The following SPTBN2 variants were observed in gnomAD, a reference collection of about 807,000 sequenced individuals.
SPTBN2 encodes spectrin beta, non-erythrocytic 2, also known as spectrin beta chain, non-erythrocytic 2.
In SPTBN2, 107 loss-of-function variants were observed where a neutral mutation model predicts 284.2. The ratio of observed to expected loss-of-function variants is 0.38; its 90% CI spans 0.32 to 0.44. SPTBN2 has a LOEUF of 0.44. SPTBN2 is among the 20% of genes least tolerant of loss of function. The pLI, the probability that SPTBN2 is intolerant of heterozygous loss-of-function variation, is 1.00. For synonymous variants in SPTBN2, 1,289 were observed against 1,354.8 expected (o/e 0.95, Z 1.07); for missense variants, 2,569 against 3,287.1 (o/e 0.78, Z 5.34).
chr11:66,689,058 C>T (rs764835775), intron 30 of SPTBN2, 38 bp downstream of exon 30: 2 of 1,578,488 alleles, frequency 1.3e-6, no homozygotes, highest in East Asian at 4.6e-5. Flanking sequence ...GGATGCCCCC[C>T]ACTCCCCACA....
At chr11:66,695,663 C>T (rs909880972) in intron 21 of SPTBN2, among the ~76,000 whole-genome samples, 1 of 152,176 alleles carries the variant, frequency 6.6e-6, no homozygotes, top group African/African-American at 2.4e-5. Flanking sequence ...CAAAAATTTA[C>T]TATCTGGTGC....
upstream of SPTBN2, among the ~76,000 whole-genome samples, chr11:66,731,188 A>AT (rs1278454256): frequency 6.6e-6 from 1 of 152,180 alleles, no homozygotes; most frequent in East Asian, 1.9e-4. Flanking sequence ...ATTTTACCGT[A>AT]TTATTTCCCA....
Position 66,696,448 on chromosome 11 carries a change from C to A in SPTBN2, c.4107G>T (p.Glu1369Asp). 6.2e-7 allele frequency: 1 copy of A among 1,612,968 alleles called. No individual in the cohort carries two copies. ...TGCGGGCCTTGGCTTGGGTGGTGGT[C>A]TCCAGCTCGTCCCAGCGCCTGTGCA... Reference protein sequence around the residue: ...RDLHRRWDELETTTQAKARSL... With the variant: ...RDLHRRWDELDTTTQAKARSL... Residue 1369 changes from glutamate to aspartate, a missense_variant, in exon 21 of 38, where the codon GAG becomes GAT. Coordinates refer to ENST00000533211, the MANE Select transcript of SPTBN2 (RefSeq NM_006946.4).
intron 1 of SPTBN2, among the ~76,000 whole-genome samples, chr11:66,736,123 T>C (rs1942850031): frequency 6.6e-6 from 1 of 152,088 alleles, no homozygotes. Flanking sequence ...CCACATCAGA[T>C]AGGGAATTCT....
chr11:66,722,120 C>A (rs1346188983), intron 1 of SPTBN2, among the ~76,000 whole-genome samples: 1 of 152,164 alleles, frequency 6.6e-6, no homozygotes, highest in South Asian at 2.1e-4. Flanking sequence ...TGCTTCTCTC[C>A]GCTTTGTTTC....
intron 3 of SPTBN2, among the ~76,000 whole-genome samples, chr11:66,720,480 G>C (rs932261045): frequency 1.4e-4 from 22 of 152,220 alleles, no homozygotes. Context: ...TCAGAGCGGA[G>C]AGCCCAGGCC....
chr11:66,690,331 G>GCCTC, intron 27 of SPTBN2, 48 bp from the exon 28 acceptor site: 6 of 1,516,152 alleles, frequency 4.0e-6, no homozygotes, highest in Non-Finnish European at 5.3e-6. Context: ...ACTCCAAGGA[G>GCCTC]CCGCAGCCTG....
In SPTBN2 at chr11:66,699,464, A is replaced by C; in HGVS notation, c.3718T>G (p.Ser1240Ala). ...TTGTCGGCGTGGATGTTGCCTTCAG[A>C]TACCAGCTGGCGGCCAGCCTCCAGG... Reference protein sequence around the residue: ...GLLEAGRQLVSEGNIHADKIR... With the variant: ...GLLEAGRQLVAEGNIHADKIR... Residue 1240 changes from serine (S) to alanine (A), a missense_variant, in exon 18 of 38, where the codon TCT becomes GCT. By Grantham distance (99) the Ser-to-Ala change is moderately conservative. This residue lies in a region of SPTBN2 where 1,012 missense variants were observed against 1,248.9 expected (regional missense o/e 0.81). Coordinates refer to ENST00000533211, the MANE Select transcript of SPTBN2 (RefSeq NM_006946.4). 1 of 1,614,002 alleles carries C rather than the reference A, an allele frequency of 6.2e-7. No individual in the cohort carries two copies. The highest frequency in any genetic ancestry group is 8.5e-7 in the Non-Finnish European group (1 of 1,180,026).
At position 66,708,873 on chromosome 11, in the gene SPTBN2, G is replaced by A; in HGVS notation, c.1191+29C>T. 1 of 1,593,030 alleles carries A rather than the reference G, an allele frequency of 6.3e-7. No homozygotes were observed. The highest frequency in any genetic ancestry group is 8.6e-7 in the Non-Finnish European group (1 of 1,161,210). On this transcript the variant is annotated intron_variant, in intron 11 of 37. Coordinates refer to ENST00000533211, the MANE Select transcript of SPTBN2 (RefSeq NM_006946.4). The surrounding 1 kb of genome is among the most constrained non-coding windows in gnomAD (Gnocchi z 4.4). ...GCATCTGGGCCAGGGCCTGCCCTGA[G>A]GGTGGGTGGCCTGTGGGCAGCCACG...
chr11:66,692,175 A>T (rs1237456460), intron 26 of SPTBN2, among the ~76,000 whole-genome samples: 1 of 151,974 alleles, frequency 6.6e-6, no homozygotes, highest in African/African-American at 2.4e-5. Context: ...GGCTCAAGAG[A>T]TCCTCCCACC....
At chr11:66,713,835 C>A (rs1942006795) in intron 7 of SPTBN2, 89 bp from the exon 8 acceptor site, 2 of 1,180,810 alleles carry the variant, frequency 1.7e-6, no homozygotes, top group South Asian at 2.4e-5. Flanking sequence ...ATCCCTAAGT[C>A]ACCGACCCAA....
chr11:66,706,923 C>T lies in SPTBN2; in HGVS notation c.1653+593G>A, dbSNP rs960914354. On this transcript the variant is annotated intron_variant, in intron 13 of 37. Coordinates refer to ENST00000533211, the MANE Select transcript of SPTBN2 (RefSeq NM_006946.4). ...CTGGGATTACAGGCATGAGCCACTGCGCCTGGCCCCTTCAAATCACTTTAA... is the reference window on the plus strand; with the variant it reads ...CTGGGATTACAGGCATGAGCCACTGTGCCTGGCCCCTTCAAATCACTTTAA... 9.2e-5 allele frequency among the ~76,000 whole-genome samples: 14 copies of T among 152,366 alleles called. No individual in the cohort carries two copies. The East Asian group carries it at 2.5e-3, about 27-fold the overall frequency.
intron 1 of SPTBN2, among the ~76,000 whole-genome samples, chr11:66,739,693 A>T (rs1004645602): frequency 2.6e-5 from 4 of 152,220 alleles, no homozygotes; most frequent in African/African-American, 9.6e-5. Context: ...AGTGGACATC[A>T]GCTGGCAGGA....
At chr11:66,721,646 C>A (rs1942410065) in intron 1 of SPTBN2, among the ~76,000 whole-genome samples, 1 of 152,130 alleles carries the variant, frequency 6.6e-6, no homozygotes, top group African/African-American at 2.4e-5. Context: ...TGGGGCCCCA[C>A]AGGCAATAAT....
chr11:66,710,498 T>A lies in SPTBN2; in HGVS notation c.1073+84A>T. 1 of 1,429,820 alleles carries A rather than the reference T, an allele frequency of 7.0e-7. No homozygotes were observed. Among genetic ancestry groups the A allele is most frequent in the South Asian group, 1.2e-5 (1 of 81,796 alleles). 88.6% of individuals were successfully genotyped at this position (1,429,820 alleles called of 1,614,324 possible). Reference sequence around the variant, plus strand: ...CCACTGCATTTATGTACTGCCAAATTTCCCTCCCTGAAGGCTGTGCTAATT... The same window carrying A: ...CCACTGCATTTATGTACTGCCAAATATCCCTCCCTGAAGGCTGTGCTAATT... On this transcript the variant is annotated intron_variant, in intron 10 of 37. Coordinates refer to ENST00000533211, the MANE Select transcript of SPTBN2 (RefSeq NM_006946.4). This position sits in a 1 kb window ranked among gnomAD's most constrained non-coding sequence, Gnocchi z 4.9.
At chr11:66,736,589 A>C (rs562911482) in intron 1 of SPTBN2, among the ~76,000 whole-genome samples, 4 of 152,322 alleles carry the variant, frequency 2.6e-5, no homozygotes, top group Admixed American at 6.5e-5. Flanking sequence ...AAAGTGTCTT[A>C]ATTTGTTCAG....
At position 66,713,680 on chromosome 11, in the gene SPTBN2, G is replaced by A; in HGVS notation, c.723C>T (p.Phe241=). ...CNAHYNLQNA[F]NLAEKELGLT... is the part of the protein sequence containing the mutation. ...GTCCCAGTTCCTTTTCAGCCAGATTGAATGCATTCTGCAGATTATAGTGTG... is the reference window on the plus strand; with the variant it reads ...GTCCCAGTTCCTTTTCAGCCAGATTAAATGCATTCTGCAGATTATAGTGTG... The change falls in exon 8 of 38, where the codon TTC becomes TTT. Residue 241 remains phenylalanine (F), a synonymous_variant. Transcript: ENST00000533211. The A allele has an allele frequency of 6.2e-7, 1 of 1,614,100 alleles. No individual in the cohort carries two copies. The highest frequency in any genetic ancestry group is 8.5e-7 in the Non-Finnish European group (1 of 1,180,046).
intron 6 of SPTBN2, 46 bp downstream of exon 6, chr11:66,714,270 T>C (rs748745059): frequency 6.2e-7 from 1 of 1,608,736 alleles, no homozygotes. Context: ...CAGCACAGCC[T>C]GGGGGTCACT....
At chr11:66,695,059 C>A (rs1338735969) in intron 21 of SPTBN2, among the ~76,000 whole-genome samples, 1 of 152,188 alleles carries the variant, frequency 6.6e-6, no homozygotes, top group African/African-American at 2.4e-5. Context: ...CAGCAAATTT[C>A]CAGGCCATTC....
Sources: gnomAD v4.1 joint callset for allele counts (sites outside exome capture counted in the v4.1 genomes callset) on GRCh38, gnomAD v4.1.1 for gene constraint, gnomAD v4.1.1 regional missense constraint, Gnocchi (gnomAD v3.1) non-coding constraint, MANE v1.5 for transcripts, NCBI Gene and HGNC (gene_info 2026-07-23, HGNC 2026-07-21) for gene names.